NPHP4: variants seen among roughly 807,000 people sequenced by gnomAD.
NPHP4 encodes nephrocystin-4.
A neutral mutation model predicts 155.8 loss-of-function variants in NPHP4; 151 were observed. The ratio of observed to expected loss-of-function variants is 0.97; its 90% CI spans 0.85 to 1.11. The LOEUF (loss-of-function observed/expected upper bound fraction) is 1.11. NPHP4 is among the 50% of genes least tolerant of loss of function. NPHP4 has a pLI of 0.00. For missense variants in NPHP4, 1,956 were observed against 1,925.7 expected, an observed-to-expected ratio of 1.02 and a Z score of -0.29; for synonymous variants, 845 against 816.8, an observed-to-expected ratio of 1.03 and a Z score of -0.59.
intron 16 of NPHP4, among the ~76,000 whole-genome samples, chr1:5,903,863 C>T (rs1023222766): frequency 1.1e-4 from 16 of 152,266 alleles, no homozygotes; most frequent in African/African-American, 2.6e-4. Flanking sequence ...TGGCTGCTGA[C>T]GCAACACAAA....
At chr1:5,912,953 A>G (rs945879365) in intron 11 of NPHP4, among the ~76,000 whole-genome samples, 4 of 152,146 alleles carry the variant, frequency 2.6e-5, no homozygotes, top group Non-Finnish European at 4.4e-5. Context: ...AGAAGAGCAC[A>G]GAGCCTGGCC....
intron 20 of NPHP4, 56 bp downstream of exon 20, chr1:5,877,037 C>T (rs1002043750): frequency 8.6e-7 from 1 of 1,161,118 alleles, no homozygotes; most frequent in East Asian, 3.1e-5. Context: ...AGGATGTGCA[C>T]AGTGACTCAG....
At position 5,879,083 on chromosome 1, in the gene NPHP4, A is replaced by G. The variant is rs541207376; in HGVS notation, c.2611+1031T>C. 4.6e-5 allele frequency among the ~76,000 whole-genome samples: 7 copies of G among 152,336 alleles called. No homozygotes were observed. In the South Asian group the frequency reaches 1.4e-3, roughly 32 times the overall value. ...CCTCATGTCTGCTCCCAGGGAGAACATACAAGTTTACCCAGAGTTTCAGGG... is the reference window on the plus strand; with the variant it reads ...CCTCATGTCTGCTCCCAGGGAGAACGTACAAGTTTACCCAGAGTTTCAGGG... On this transcript the variant is annotated intron_variant, in intron 19 of 29. Coordinates refer to ENST00000378156, the MANE Select transcript of NPHP4 (RefSeq NM_015102.5).
chr1:5,863,187 G>A lies in NPHP4; in HGVS notation c.*78C>T, dbSNP rs886490096. ...GAAGTGAAAGGCTGCAGAGAGGCGG[G>A]GAGGACAGCCTGCAGGGCAGGAGGG... On this transcript the variant is annotated 3_prime_UTR_variant, in exon 30 of 30. Transcript: ENST00000378156. 9 of 1,483,578 alleles carry A rather than the reference G, an allele frequency of 6.1e-6. No individual in the cohort carries two copies. The highest frequency in any genetic ancestry group is 5.7e-5 in the South Asian group (5 of 87,092). The allele number at this position is 1,483,578 out of a possible 1,614,324, so 91.9% of individuals were successfully genotyped here.
intron 9 of NPHP4, among the ~76,000 whole-genome samples, chr1:5,936,498 G>A (rs527667691): frequency 6.6e-5 from 10 of 152,034 alleles, no homozygotes; most frequent in Middle Eastern, 3.4e-3. Flanking sequence ...CCCAACTTGG[G>A]TTTGAATTCA....
At chr1:5,924,515 G>C (rs573350238) in intron 11 of NPHP4, among the ~76,000 whole-genome samples, 1 of 152,066 alleles carries the variant, frequency 6.6e-6, no homozygotes, top group Admixed American at 6.5e-5. Flanking sequence ...TAAAACCAAA[G>C]CCCACAGATG....
rs977083059 is a variant in NPHP4, at chr1:5,909,078, G to C, written c.1503+74C>G. ...GCACGCAGGGATCCACTGTGCTTAA[G>C]GGGGGACAGAGGGTTTTCTTGCAAG... On this transcript the variant is annotated intron_variant, in intron 12 of 29. Transcript: ENST00000378156. 7 of 1,251,978 alleles carry C rather than the reference G, an allele frequency of 5.6e-6. No homozygotes were observed. In the East Asian group the frequency reaches 1.5e-4, roughly 27 times the overall value. The allele number at this position is 1,251,978 out of a possible 1,614,324, so 77.6% of individuals were successfully genotyped here. A position where few individuals can be genotyped will look rare whatever the true frequency, so the allele number is the denominator to read the frequency against.
At chr1:5,865,303 G>C in intron 26 of NPHP4, 30 bp from the exon 27 acceptor site, 1 of 1,501,078 alleles carries the variant, frequency 6.7e-7, no homozygotes, top group Non-Finnish European at 9.0e-7. Flanking sequence ...ATCTGCACTT[G>C]TCCCGGAGGA....
intron 2 of NPHP4, among the ~76,000 whole-genome samples, chr1:5,984,902 G>A (rs928932669): frequency 7.9e-5 from 12 of 152,234 alleles, no homozygotes; most frequent in South Asian, 2.1e-4. Context: ...AGCTAAAGCC[G>A]TCGCCCTGGG....
intron 3 of NPHP4, among the ~76,000 whole-genome samples, chr1:5,972,348 G>A (rs1652724446): frequency 2.4e-5 from 1 of 41,002 alleles, no homozygotes; most frequent in African/African-American, 1.3e-4. Flanking sequence ...AGACAGCAGG[G>A]ATCGGGGGAG....
intron 3 of NPHP4, among the ~76,000 whole-genome samples, chr1:5,970,883 T>C (rs185524959): frequency 6.6e-6 from 1 of 152,282 alleles, no homozygotes; most frequent in East Asian, 1.9e-4. Context: ...TCTATTATCT[T>C]TTATTGCAAT....
At chr1:5,942,798 A>G (rs981705766) in intron 9 of NPHP4, among the ~76,000 whole-genome samples, 1 of 152,190 alleles carries the variant, frequency 6.6e-6, no homozygotes, top group Non-Finnish European at 1.5e-5. Flanking sequence ...TAAATCAGGC[A>G]AATCTTCACC....
At position 5,947,319 on chromosome 1, in the gene NPHP4, G is replaced by A. The variant is rs1647158553; in HGVS notation, c.993-89C>T. ...GTCGACCACTGTCAGAACAGTCAAG[G>A]GGACACCCTGGGGGACACAGGGGTG... On this transcript the variant is annotated intron_variant, in intron 8 of 29. Transcript: ENST00000378156. The A allele has an allele frequency of 9.8e-6, 14 of 1,428,452 alleles. No individual in the cohort carries two copies. The South Asian group carries it at 1.3e-4, about 13-fold the overall frequency. 88.5% of individuals were successfully genotyped at this position (1,428,452 alleles called of 1,614,324 possible). A position where few individuals can be genotyped will look rare whatever the true frequency, so the allele number is the denominator to read the frequency against.
chr1:5,863,414 A>G lies in NPHP4; in HGVS notation c.4141-9T>C. 1 of 1,611,876 alleles carries G rather than the reference A, an allele frequency of 6.2e-7. No homozygotes were observed. The highest frequency in any genetic ancestry group is 8.5e-7 in the Non-Finnish European group (1 of 1,178,102). On this transcript the variant is annotated splice_polypyrimidine_tract_variant and intron_variant, in intron 29 of 29. Coordinates refer to ENST00000378156, the MANE Select transcript of NPHP4 (RefSeq NM_015102.5). ...GTCTCTCCACCCCCGACCTGGAAAT[A>G]AGCATCCAAATCCCAGCATCCACCC...
intron 5 of NPHP4, among the ~76,000 whole-genome samples, chr1:5,964,931 A>ATTTTTTTTTTT (rs1188241159): frequency 2.5e-4 from 6 of 23,896 alleles, no homozygotes; most frequent in Non-Finnish European, 3.5e-4. Flanking sequence ...ATATATATAT[A>ATTTTTTTTTTT]TATATATATA....
chr1:5,967,617 A>C (rs1651772193), intron 4 of NPHP4, among the ~76,000 whole-genome samples: 1 of 152,206 alleles, frequency 6.6e-6, no homozygotes, highest in Non-Finnish European at 1.5e-5. Flanking sequence ...CCTGGAAAAC[A>C]CCATGGAAAT....
intron 5 of NPHP4, among the ~76,000 whole-genome samples, chr1:5,964,942 T>TATATATATATATATA (rs1553194795): frequency 1.1e-4 from 5 of 44,496 alleles, no homozygotes; most frequent in African/African-American, 3.7e-4. Flanking sequence ...TATATATATA[T>TATATATATATATATA]TTTTTTTTTT....
intron 19 of NPHP4, 118 bp downstream of exon 19, chr1:5,879,996 G>A (rs564449839): frequency 1.6e-5 from 20 of 1,220,892 alleles, no homozygotes; most frequent in Admixed American, 8.1e-5. Flanking sequence ...ACAGCACCAC[G>A]AATGGTGCAC....
chr1:5,869,235 A>G (rs768415601), intron 23 of NPHP4, among the ~76,000 whole-genome samples: 24 of 82,152 alleles, frequency 2.9e-4, no homozygotes, highest in South Asian at 8.3e-4. Flanking sequence ...ACCCACATGC[A>G]CACACACACA....
Sources: gnomAD v4.1 joint callset for allele counts (sites outside exome capture counted in the v4.1 genomes callset) on GRCh38, gnomAD v4.1.1 for gene constraint, MANE v1.5 for transcripts, NCBI Gene and HGNC (gene_info 2026-07-23, HGNC 2026-07-21) for gene names.